Variants in MINDY4B observed in about 807,000 individuals in gnomAD.
The protein encoded by MINDY4B is inactive ubiquitin carboxyl-terminal hydrolase MINDY-4B.
A neutral mutation model predicts 16.7 loss-of-function variants in MINDY4B; 25 were observed. The observed-to-expected ratio is 1.49, with a 90% CI of 1.09 to 2.09. The LOEUF (loss-of-function observed/expected upper bound fraction) is 2.09, where lower values mean the gene tolerates loss of function less well. Ranked by LOEUF, MINDY4B falls within the 30% of genes most tolerant of loss-of-function variation. The pLI is 0.00. For missense variants in MINDY4B, 327 were observed against 168.4 expected, an observed-to-expected ratio of 1.94 and a Z score of -5.21; for synonymous variants, 132 against 61.9, an observed-to-expected ratio of 2.13 and a Z score of -5.32.
intron 7 of MINDY4B, among the ~76,000 whole-genome samples, chr3:150,886,422 A>C (rs1711624970): frequency 6.6e-6 from 1 of 152,202 alleles, no homozygotes; most frequent in African/African-American, 2.4e-5. Context: ...GGAGCCAGAT[A>C]GTTACTGAAA....
chr3:150,885,587 C>T, intron 7 of MINDY4B, 149 bp from the exon 8 acceptor site: 1 of 622,904 alleles, frequency 1.6e-6, no homozygotes, highest in Non-Finnish European at 2.9e-6. Context: ...CATAAGTCTT[C>T]CTACTCTAAA....
At chr3:150,878,647 A>G (rs1194648440) in intron 10 of MINDY4B, among the ~76,000 whole-genome samples, 3 of 152,204 alleles carry the variant, frequency 2.0e-5, no homozygotes, top group African/African-American at 7.2e-5. Flanking sequence ...TTCTATGTAG[A>G]TTTTAAAGCT....
rs558319330 is a variant in MINDY4B, at chr3:150,874,005, ATT to A, written c.1060-640_1060-639del. 7.3e-3 allele frequency among the ~76,000 whole-genome samples: 595 copies of A among 81,956 alleles called. 5 individuals carry two copies. The highest frequency in any genetic ancestry group is 0.026 in the African/African-American group (543 of 21,272). 53.8% of individuals were successfully genotyped at this position (81,956 alleles called of 152,430 possible). ...GTACTTGTCAATCAATTTAGCCTTG[ATT>A]TTTTTTTTTTTTTTTTTTTTTTTTT... On this transcript the variant is annotated intron_variant, in intron 10 of 11. Transcript: ENST00000465419.
rs1350233864 is a variant in MINDY4B, at chr3:150,871,181, T to A, written c.1247A>T (p.His416Leu). The change falls in exon 12 of 12, where the codon CAC becomes CTC. Residue 416 changes from histidine (H) to leucine (L), a missense_variant. His to Leu is a moderately conservative substitution (Grantham distance 99, BLOSUM62 -3). Transcript: ENST00000465419. ...TTGGTCTCTTTCCCAGTGATGGGAG[T>A]GAGTATCTGAAGAAGGAATAGCCAG... Reference protein sequence around the residue: ...KKLVRLTIDTHSHHWERDQQE... With the variant: ...KKLVRLTIDTLSHHWERDQQE... 5.7e-6 allele frequency: 4 copies of A among 702,110 alleles called. No homozygotes were observed. In the African/African-American group the frequency reaches 7.0e-5, roughly 12 times the overall value. The allele number at this position is 702,110 out of a possible 1,614,324, so 43.5% of individuals were successfully genotyped here.
At chr3:150,901,725 T>A (rs985694857) in intron 3 of MINDY4B, among the ~76,000 whole-genome samples, 8 of 152,156 alleles carry the variant, frequency 5.3e-5, no homozygotes, top group Admixed American at 2.6e-4. Flanking sequence ...TTTGCCATGT[T>A]GGCCAGGCTG....
chr3:150,883,839 T>C (rs1711564057), intron 8 of MINDY4B, 67 bp from the exon 9 acceptor site: 1 of 693,778 alleles, frequency 1.4e-6, no homozygotes, highest in African/African-American at 1.8e-5. Flanking sequence ...CAGCTTCTTT[T>C]CCCCCAAAAC....
chr3:150,903,697 A>G (rs1712170418), intron 2 of MINDY4B, among the ~76,000 whole-genome samples: 1 of 152,246 alleles, frequency 6.6e-6, no homozygotes, highest in Non-Finnish European at 1.5e-5. Context: ...AATTATGTTT[A>G]GAGAAGAATG....
Position 150,905,392 on chromosome 3 carries a change from A to G in MINDY4B, c.48T>C (p.Asp16=). The change falls in exon 1 of 12, where the codon GAT becomes GAC. Residue 16 remains aspartate, a synonymous_variant. Transcript: ENST00000465419. ...LGQEQSSEQL[D]LEEISRKISF... is the part of the protein sequence containing the mutation. ...AAATTTTCCTTGAGATCTCCTCTAA[A>G]TCCAGCTGTTCGGAGCTTTGTTCCT... 1 of 398,452 alleles carries G rather than the reference A, an allele frequency of 2.5e-6. No homozygotes were observed. The highest frequency in any genetic ancestry group is 2.1e-5 in the African/African-American group (1 of 48,712). 24.7% of individuals were successfully genotyped at this position (398,452 alleles called of 1,614,324 possible). A position where few individuals can be genotyped will look rare whatever the true frequency, so the allele number is the denominator to read the frequency against.
intron 3 of MINDY4B, among the ~76,000 whole-genome samples, chr3:150,895,578 C>T (rs1262937649): frequency 6.6e-6 from 1 of 152,186 alleles, no homozygotes; most frequent in Non-Finnish European, 1.5e-5. Flanking sequence ...GATTCTCCTG[C>T]CTCAGTCTCC....
At position 150,905,375 on chromosome 3, in the gene MINDY4B, C is replaced by T. The variant is rs886312846; in HGVS notation, c.65G>A (p.Arg22Lys). 7 of 398,316 alleles carry T rather than the reference C, an allele frequency of 1.8e-5. No homozygotes were observed. The highest frequency in any genetic ancestry group is 3.1e-5 in the Non-Finnish European group (7 of 225,988). 24.7% of individuals were successfully genotyped at this position (398,316 alleles called of 1,614,324 possible). A position where few individuals can be genotyped will look rare whatever the true frequency, so the allele number is the denominator to read the frequency against. The part of the protein sequence containing the change: ...SEQLDLEEIS[R>K]KISFLDKWRE... ...CCATTTGTCAAGGAATGAAATTTTC[C>T]TTGAGATCTCCTCTAAATCCAGCTG... The change falls in exon 1 of 12, where the codon AGG becomes AAG. Residue 22 changes from arginine (R) to lysine (K), a missense_variant. Physicochemically the swap from Arg to Lys is conservative, Grantham distance 26. Coordinates refer to ENST00000465419, the MANE Select transcript of MINDY4B (RefSeq NM_001351281.2).
intron 10 of MINDY4B, among the ~76,000 whole-genome samples, chr3:150,877,531 C>T (rs1442212121): frequency 6.6e-6 from 1 of 152,118 alleles, no homozygotes; most frequent in Non-Finnish European, 1.5e-5. Context: ...AAATATTAGA[C>T]TTCTGGGGAT....
At chr3:150,892,251 C>T (rs1711834643) in intron 5 of MINDY4B, among the ~76,000 whole-genome samples, 1 of 152,218 alleles carries the variant, frequency 6.6e-6, no homozygotes, top group Non-Finnish European at 1.5e-5. Context: ...CAGTGCAATC[C>T]ATGCACCCGA....
At chr3:150,889,745 A>G (rs1304511875) in intron 7 of MINDY4B, among the ~76,000 whole-genome samples, 1 of 152,132 alleles carries the variant, frequency 6.6e-6, no homozygotes, top group Non-Finnish European at 1.5e-5. Flanking sequence ...TTTTCGGAAA[A>G]TCAGCTTTTA....
At chr3:150,872,541 G>C (rs990370454) in intron 11 of MINDY4B, among the ~76,000 whole-genome samples, 1 of 152,150 alleles carries the variant, frequency 6.6e-6, no homozygotes, top group Non-Finnish European at 1.5e-5. Flanking sequence ...GTTTATGACC[G>C]AAATGATCTG....
intron 10 of MINDY4B, among the ~76,000 whole-genome samples, chr3:150,877,562 T>C (rs192625779): frequency 1.3e-5 from 2 of 152,278 alleles, no homozygotes. Context: ...AATGGTCTTC[T>C]GGTTAGCATG....
intron 7 of MINDY4B, among the ~76,000 whole-genome samples, chr3:150,889,721 T>G (rs950991168): frequency 6.6e-6 from 1 of 152,216 alleles, no homozygotes; most frequent in Admixed American, 6.5e-5. Context: ...GCTTTCACAT[T>G]GTAGGTTTCT....
Position 150,874,005 on chromosome 3 carries a change from A to ATTT in MINDY4B, c.1060-641_1060-639dup, listed in dbSNP as rs558319330. Among the ~76,000 whole-genome samples the ATTT allele has an allele frequency of 3.3e-3, 270 of 81,986 alleles. 14 individuals carry two copies. The highest frequency in any genetic ancestry group is 0.017 in the Middle Eastern group (2 of 116). The allele number at this position is 81,986 out of a possible 152,430, so 53.8% of individuals were successfully genotyped here. On this transcript the variant is annotated intron_variant, in intron 10 of 11. Transcript: ENST00000465419. ...GTACTTGTCAATCAATTTAGCCTTG[A>ATTT]TTTTTTTTTTTTTTTTTTTTTTTTT...
chr3:150,875,544 A>G (rs1711496122), intron 10 of MINDY4B, among the ~76,000 whole-genome samples: 1 of 152,222 alleles, frequency 6.6e-6, no homozygotes, highest in African/African-American at 2.4e-5. Context: ...GCACTCAGAT[A>G]AACATACTCT....
At chr3:150,882,750 A>G (rs945613988) in intron 10 of MINDY4B, 147 bp downstream of exon 10, 11 of 425,536 alleles carry the variant, frequency 2.6e-5, no homozygotes, top group Non-Finnish European at 3.7e-5. Context: ...AATTTCCCTG[A>G]ATGTCTGTGT....
Sources: gnomAD v4.1 joint callset for allele counts (sites outside exome capture counted in the v4.1 genomes callset) on GRCh38, gnomAD v4.1.1 for gene constraint, MANE v1.5 for transcripts, NCBI Gene and HGNC (gene_info 2026-07-23, HGNC 2026-07-21) for gene names.